The following TNRC6B variants were observed in gnomAD, a reference collection of about 807,000 sequenced individuals.
TNRC6B encodes trinucleotide repeat-containing gene 6B protein.
TNRC6B carries 52 observed loss-of-function variants against 203.6 expected under a neutral mutation model. The observed-to-expected ratio is 0.26, with a 90% CI of 0.20 to 0.32. The LOEUF (loss-of-function observed/expected upper bound fraction) is 0.32. Among genes scored for constraint, TNRC6B ranks in the 10% least tolerant of loss-of-function variants. The pLI, the probability that TNRC6B is intolerant of heterozygous loss-of-function variation, is 1.00. For missense variants in TNRC6B, 1,923 were observed against 2,286.2 expected (o/e 0.84, Z 3.24); for synonymous variants, 838 against 845.7 (o/e 0.99, Z 0.16).
intron 4 of TNRC6B, among the ~76,000 whole-genome samples, chr22:40,166,455 C>G (rs1228852211): frequency 6.7e-6 from 1 of 148,348 alleles, no homozygotes; most frequent in Non-Finnish European, 1.5e-5. Context: ...TCGTGCTATA[C>G]TCTTTGATCA....
intron 1 of TNRC6B, among the ~76,000 whole-genome samples, chr22:40,052,573 C>T (rs529857071): frequency 1.3e-5 from 2 of 150,174 alleles, no homozygotes; most frequent in Middle Eastern, 3.4e-3. Context: ...CCTCCCACCT[C>T]AGCCTCCTGA....
chr22:40,275,978 CCA>C (rs1441370760), intron 7 of TNRC6B, among the ~76,000 whole-genome samples: 1 of 151,192 alleles, frequency 6.6e-6, no homozygotes, highest in South Asian at 2.1e-4. Context: ...AAACCGCCCC[CCA>C]CACACACACC....
intron 1 of TNRC6B, among the ~76,000 whole-genome samples, chr22:40,046,796 C>T (rs2067691914): frequency 2.0e-5 from 3 of 151,982 alleles, no homozygotes; most frequent in Admixed American, 2.0e-4. Context: ...AGGCGCCCGC[C>T]ACCACGCCCG....
intron 2 of TNRC6B, among the ~76,000 whole-genome samples, chr22:40,119,991 A>T (rs1404337047): frequency 6.6e-6 from 1 of 152,242 alleles, no homozygotes; most frequent in Non-Finnish European, 1.5e-5. Flanking sequence ...ACAAAGATAA[A>T]AATGGGTATC....
intron 1 of TNRC6B, among the ~76,000 whole-genome samples, chr22:40,194,318 C>G (rs1161175006): frequency 3.3e-5 from 5 of 151,956 alleles, no homozygotes; most frequent in Non-Finnish European, 2.9e-5. Context: ...ACCCTGTGAG[C>G]TGGTGCGGAG....
chr22:40,275,168 CACTT>C (rs1282966387), intron 7 of TNRC6B, among the ~76,000 whole-genome samples: 1 of 152,172 alleles, frequency 6.6e-6, no homozygotes, highest in Non-Finnish European at 1.5e-5. Context: ...CTTAAGCAGT[CACTT>C]ACGGGTTTTC....
At chr22:40,245,974 A>T (rs537587338) in intron 1 of TNRC6B, 41 bp from the exon 2 acceptor site, 2 of 1,471,376 alleles carry the variant, frequency 1.4e-6, no homozygotes, top group Non-Finnish European at 9.1e-7. Context: ...TGGATTGTGA[A>T]TGTAGATGTA....
chr22:40,048,603 T>C (rs2067715435), intron 1 of TNRC6B, among the ~76,000 whole-genome samples: 1 of 152,090 alleles, frequency 6.6e-6, no homozygotes. Context: ...TCTGTCTCCC[T>C]GCAGCAGTCA....
intron 1 of TNRC6B, among the ~76,000 whole-genome samples, chr22:40,094,926 G>A (rs2068176141): frequency 6.6e-6 from 1 of 152,044 alleles, no homozygotes; most frequent in African/African-American, 2.4e-5. Context: ...CTCTGTTTTA[G>A]TTGGTCTTAT....
At chr22:40,178,722 C>G (rs972954160) in intron 1 of TNRC6B, among the ~76,000 whole-genome samples, 1 of 152,090 alleles carries the variant, frequency 6.6e-6, no homozygotes, top group Non-Finnish European at 1.5e-5. Flanking sequence ...TTTGTAGATT[C>G]CCCTGCTTGA....
At chr22:40,114,032 G>A (rs1175734598) in intron 1 of TNRC6B, among the ~76,000 whole-genome samples, 1 of 152,114 alleles carries the variant, frequency 6.6e-6, no homozygotes, top group African/African-American at 2.4e-5. Flanking sequence ...GGAGTGGTGA[G>A]TCCTGGGAAG....
At chr22:40,069,070 TG>T (rs2067923058) in intron 1 of TNRC6B, among the ~76,000 whole-genome samples, 1 of 152,128 alleles carries the variant, frequency 6.6e-6, no homozygotes, top group Non-Finnish European at 1.5e-5. Flanking sequence ...CATTATCCTT[TG>T]TTTCCAGGAC....
In TNRC6B at chr22:40,231,457, G is replaced by A. The variant is rs1889474954; in HGVS notation, c.6-14558G>A. 2.0e-5 allele frequency among the ~76,000 whole-genome samples: 3 copies of A among 152,042 alleles called. No individual in the cohort carries two copies. The South Asian group carries it at 6.2e-4, about 32-fold the overall frequency. On this transcript the variant is annotated intron_variant, in intron 1 of 22. Transcript: ENST00000454349. ...TTGTAGTTTTCAGTGTACATATTCA[G>A]GACTTGCATATTTTTGTCAGATTTA...
Position 40,270,173 on chromosome 22 carries a change from G to C in TNRC6B, c.2858G>C (p.Gly953Ala). 1 of 1,582,388 alleles carries C rather than the reference G, an allele frequency of 6.3e-7. No homozygotes were observed. Among genetic ancestry groups the C allele is most frequent in the South Asian group, 1.2e-5 (1 of 86,240 alleles). ...CCAGATAATGGTACTTCCGCTTGGG[G>C]TGAGCCAAATGAAAGCAGTCCTGGG... is the stretch of plus-strand genomic sequence containing the variant. ...PAPDNGTSAW[G>A]EPNESSPGWG... The change falls in exon 6 of 23, where the codon GGT (glycine) becomes GCT (alanine). Residue 953 changes from glycine to alanine, a missense_variant. Gly to Ala is a moderately conservative substitution (Grantham distance 60). Around this residue, in one of 8 missense-constraint regions of TNRC6B, gnomAD observed 599 missense variants for 656.5 expected, o/e 0.91. Transcript: ENST00000454349.
In TNRC6B at chr22:40,330,368, A is replaced by T. The variant is rs914310709; in HGVS notation, c.*7127A>T. ...CTTCGGCTACTGAAAGGTGTGTACA[A>T]CTCCCAGAGGGGTGGCTGTAAAAGT... On this transcript the variant is annotated 3_prime_UTR_variant, in exon 23 of 23. Coordinates refer to ENST00000454349, the MANE Select transcript of TNRC6B (RefSeq NM_001162501.2). 3.3e-5 allele frequency: 5 copies of T among 151,982 alleles called. No individual in the cohort carries two copies. Among genetic ancestry groups the T allele is most frequent in the Non-Finnish European group, 7.4e-5 (5 of 67,984 alleles). The allele number at this position is 151,982 out of a possible 1,614,324, so 9.4% of individuals were successfully genotyped here.
chr22:40,285,007 G>T (rs1046446006), intron 11 of TNRC6B, among the ~76,000 whole-genome samples: 6 of 152,158 alleles, frequency 3.9e-5, no homozygotes, highest in Admixed American at 3.9e-4. Context: ...TTTTTAACTA[G>T]ACTGATATGT....
chr22:40,048,059 A>T (rs557044784), intron 1 of TNRC6B, among the ~76,000 whole-genome samples: 1 of 152,322 alleles, frequency 6.6e-6, no homozygotes, highest in South Asian at 2.1e-4. Context: ...GGTCTTGGAA[A>T]ATTCTGTCAG....
chr22:40,298,328 T>C (rs2070973341), intron 12 of TNRC6B, among the ~76,000 whole-genome samples: 1 of 152,168 alleles, frequency 6.6e-6, no homozygotes, highest in Non-Finnish European at 1.5e-5. Context: ...GCACAGCTTT[T>C]AACAGAATGC....
At chr22:40,164,671 A>C (rs1396021060) in intron 4 of TNRC6B, among the ~76,000 whole-genome samples, 1 of 147,952 alleles carries the variant, frequency 6.8e-6, no homozygotes, top group Non-Finnish European at 1.5e-5. Context: ...CTGAGGCAGG[A>C]GAATCGCTTG....
Sources: gnomAD v4.1 joint callset for allele counts (sites outside exome capture counted in the v4.1 genomes callset) on GRCh38, gnomAD v4.1.1 for gene constraint, gnomAD v4.1.1 regional missense constraint, MANE v1.5 for transcripts, NCBI Gene and HGNC (gene_info 2026-07-23, HGNC 2026-07-21) for gene names.